The following SAMD4A variants were observed in gnomAD, a reference collection of about 807,000 sequenced individuals.
SAMD4A encodes protein Smaug homolog 1.
SAMD4A carries 33 observed loss-of-function variants against 81.3 expected under a neutral mutation model. The ratio of observed to expected loss-of-function variants is 0.41; its 90% CI spans 0.31 to 0.54. SAMD4A has a LOEUF of 0.54. Ranked by LOEUF, SAMD4A falls within the 20% of genes least tolerant of loss-of-function variation. The pLI, the probability that SAMD4A is intolerant of heterozygous loss-of-function variation, is 0.37. For missense variants in SAMD4A, 854 were observed against 951.1 expected (o/e 0.90, Z 1.34); for synonymous variants, 389 against 382.1 (o/e 1.02, Z -0.21).
chr14:54,787,080 G>A (rs1442934455), intron 12 of SAMD4A, among the ~76,000 whole-genome samples: 1 of 152,220 alleles, frequency 6.6e-6, no homozygotes, highest in African/African-American at 2.4e-5. Context: ...CCTTGCTGGA[G>A]ACAGTATGCT....
intron 7 of SAMD4A, among the ~76,000 whole-genome samples, chr14:54,763,025 T>TTTGTA: frequency 6.6e-6 from 1 of 151,964 alleles, no homozygotes; most frequent in Non-Finnish European, 1.5e-5. Flanking sequence ...TGGCTAATTT[T>TTTGTA]TTGTATTTTT....
chr14:54,600,515 G>A (rs1286492912), intron 2 of SAMD4A, among the ~76,000 whole-genome samples: 1 of 152,200 alleles, frequency 6.6e-6, no homozygotes, highest in Non-Finnish European at 1.5e-5. Context: ...CTACACTGCA[G>A]TGTCTTTGTG....
chr14:54,710,576 G>C (rs925122915), intron 3 of SAMD4A, among the ~76,000 whole-genome samples: 1 of 152,098 alleles, frequency 6.6e-6, no homozygotes, highest in Non-Finnish European at 1.5e-5. Context: ...CTCAGAATTT[G>C]AATGAGTAGC....
chr14:54,603,654 G>C (rs1375372161), intron 2 of SAMD4A, among the ~76,000 whole-genome samples: 2 of 151,880 alleles, frequency 1.3e-5, no homozygotes, highest in African/African-American at 4.8e-5. Flanking sequence ...TGAATAAGTA[G>C]TTAGACCATT....
At chr14:54,625,418 A>G (rs2034721429) in intron 2 of SAMD4A, among the ~76,000 whole-genome samples, 1 of 152,232 alleles carries the variant, frequency 6.6e-6, no homozygotes, top group African/African-American at 2.4e-5. Flanking sequence ...GAATGTAAAC[A>G]TTGTCATTCT....
chr14:54,589,557 G>A (rs962164775), intron 2 of SAMD4A, among the ~76,000 whole-genome samples: 38 of 152,112 alleles, frequency 2.5e-4, no homozygotes, highest in African/African-American at 7.2e-4. Context: ...TGGGAAGCAC[G>A]TATGTCTTTT....
In SAMD4A at chr14:54,788,850, C is replaced by T. The variant is rs1283195174; in HGVS notation, c.2129-66C>T. On this transcript the variant is annotated intron_variant, in intron 12 of 12. Transcript: ENST00000554335. ...GGAGGCCCACCGTGCATGGCGTTGG[C>T]ATAGGTGGGCACGAACTGGATTGTT... 3.8e-6 allele frequency: 6 copies of T among 1,599,732 alleles called. No homozygotes were observed. In the African/African-American group the frequency reaches 6.7e-5, roughly 18 times the overall value.
chr14:54,574,550 G>A lies in SAMD4A; in HGVS notation c.196+6438G>A, dbSNP rs145746835. On this transcript the variant is annotated intron_variant, in intron 2 of 12. Coordinates refer to ENST00000554335, the MANE Select transcript of SAMD4A (RefSeq NM_015589.6). ...GAGGAGAGCATGAGGGATATTCACC[G>A]TCATAAGTGATTGCTTGGTGAGTGG... Among the ~76,000 whole-genome samples the A allele has an allele frequency of 9.2e-5, 14 of 152,230 alleles. No homozygotes were observed. The East Asian group carries it at 9.6e-4, about 10-fold the overall frequency.
At chr14:54,654,067 T>C (rs2035466276) in intron 2 of SAMD4A, among the ~76,000 whole-genome samples, 1 of 152,246 alleles carries the variant, frequency 6.6e-6, no homozygotes, top group African/African-American at 2.4e-5. Context: ...AGTCTCCGGC[T>C]GGGTTCTCAG....
At chr14:54,754,591 G>A (rs1294503416) in intron 6 of SAMD4A, among the ~76,000 whole-genome samples, 2 of 152,174 alleles carry the variant, frequency 1.3e-5, no homozygotes, top group African/African-American at 4.8e-5. Flanking sequence ...TTGCAAGGGA[G>A]TGAGTTGTTT....
chr14:54,772,447 G>C (rs1385431164), intron 9 of SAMD4A, among the ~76,000 whole-genome samples: 1 of 152,130 alleles, frequency 6.6e-6, no homozygotes, highest in African/African-American at 2.4e-5. Flanking sequence ...CATCAGGAGA[G>C]AGAAAGATGG....
At chr14:54,621,438 C>G (rs1376938889) in intron 2 of SAMD4A, among the ~76,000 whole-genome samples, 1 of 152,194 alleles carries the variant, frequency 6.6e-6, no homozygotes, top group Non-Finnish European at 1.5e-5. Context: ...CGACCTCCAT[C>G]CGCTAGGCTG....
chr14:54,776,553 G>T lies in SAMD4A; in HGVS notation c.2044+13G>T. 6.4e-7 allele frequency: 1 copy of T among 1,550,818 alleles called. No individual in the cohort carries two copies. The highest frequency in any genetic ancestry group is 2.5e-5 in the East Asian group (1 of 39,572). On this transcript the variant is annotated intron_variant, in intron 11 of 12. Coordinates refer to ENST00000554335, the MANE Select transcript of SAMD4A (RefSeq NM_015589.6). Reference sequence around the variant, plus strand: ...TTCCAGCAGCCAGGTAGGGCCCGGCGCTTCATGTCCCCTTGACACAGAGGG... The same window carrying T: ...TTCCAGCAGCCAGGTAGGGCCCGGCTCTTCATGTCCCCTTGACACAGAGGG...
chr14:54,757,792 A>G (rs996572104), intron 6 of SAMD4A, among the ~76,000 whole-genome samples: 1 of 152,086 alleles, frequency 6.6e-6, no homozygotes, highest in Admixed American at 6.5e-5. Context: ...GTCCCCCACA[A>G]CCCAGGGGCT....
chr14:54,670,771 C>T (rs1234706492), intron 2 of SAMD4A, among the ~76,000 whole-genome samples: 1 of 152,230 alleles, frequency 6.6e-6, no homozygotes, highest in Non-Finnish European at 1.5e-5. Context: ...GAGAACTTAA[C>T]TGCTGTTGCC....
chr14:54,687,909 T>C (rs909120061), intron 2 of SAMD4A: 1 of 983,856 alleles, frequency 1.0e-6, no homozygotes, highest in African/African-American at 1.7e-5. Context: ...TGGGCTGCTG[T>C]CCCTTCTCAG....
At chr14:54,583,467 A>G (rs1367065317) in intron 2 of SAMD4A, among the ~76,000 whole-genome samples, 2 of 152,142 alleles carry the variant, frequency 1.3e-5, no homozygotes, top group Non-Finnish European at 2.9e-5. Flanking sequence ...CCTCTTCAGA[A>G]TTCTGTTGTG....
intron 8 of SAMD4A, among the ~76,000 whole-genome samples, chr14:54,765,006 A>G (rs2038498633): frequency 6.6e-6 from 1 of 152,210 alleles, no homozygotes; most frequent in South Asian, 2.1e-4. Flanking sequence ...TTGTTGTAGG[A>G]ATCGTATTTG....
At chr14:54,746,760 A>G (rs1321141336) in intron 4 of SAMD4A, among the ~76,000 whole-genome samples, 1 of 152,206 alleles carries the variant, frequency 6.6e-6, no homozygotes, top group East Asian at 1.9e-4. Context: ...TTTGTGATGA[A>G]TTGTGCCCAA....
Sources: allele counts gnomAD v4.1 joint callset (sites outside exome capture counted in the v4.1 genomes callset), GRCh38; gene constraint gnomAD v4.1.1; transcripts MANE v1.5; gene names NCBI Gene and HGNC (gene_info 2026-07-23, HGNC 2026-07-21).